Variants in RSPH14 observed in about 807,000 individuals in gnomAD.
RSPH14 encodes radial spoke head 14 homolog.
Under a neutral mutation model 26.7 loss-of-function variants are expected in RSPH14, and 20 were observed. That is an observed-to-expected ratio of 0.75 (90% CI 0.53 to 1.09). The LOEUF (loss-of-function observed/expected upper bound fraction) is 1.09, where lower values mean the gene tolerates loss of function less well. Ranked by LOEUF, RSPH14 falls within the 50% of genes least tolerant of loss-of-function variation. RSPH14 has a pLI of 0.00. For synonymous variants in RSPH14, 177 were observed against 189.3 expected (o/e 0.93, Z 0.53); for missense variants, 449 against 457.2 (o/e 0.98, Z 0.16).
intron 4 of RSPH14, among the ~76,000 whole-genome samples, chr22:23,105,755 G>T (rs559951017): frequency 7.2e-5 from 11 of 152,330 alleles, no homozygotes; most frequent in Middle Eastern, 3.4e-3. Context: ...TCCCTTCAGC[G>T]ACTGACACTG....
the RSPH14 span, among the ~76,000 whole-genome samples, chr22:23,160,620 T>C: frequency 3.9e-5 from 6 of 151,920 alleles, no homozygotes; most frequent in South Asian, 6.2e-4. Flanking sequence ...TTTGAGGGAG[T>C]GGCCCAAGCA....
chr22:23,180,305 C>T, the RSPH14 span: 1 of 177,358 alleles, frequency 5.6e-6, no homozygotes, highest in East Asian at 1.2e-4. Flanking sequence ...CCCTGGGCTG[C>T]GAGTTGCACA....
intron 4 of RSPH14, among the ~76,000 whole-genome samples, chr22:23,074,468 G>C (rs1311620121): frequency 6.6e-6 from 1 of 152,212 alleles, no homozygotes. Flanking sequence ...TTCTGGAGAG[G>C]TGGGGAATTA....
chr22:23,074,149 G>A (rs1167735090), intron 4 of RSPH14, among the ~76,000 whole-genome samples: 1 of 152,178 alleles, frequency 6.6e-6, no homozygotes, highest in Non-Finnish European at 1.5e-5. Flanking sequence ...ACCTTGGCAG[G>A]GTTGGAGCAG....
chr22:23,075,657 G>T (rs1170066733), intron 4 of RSPH14, among the ~76,000 whole-genome samples: 1 of 152,216 alleles, frequency 6.6e-6, no homozygotes, highest in East Asian at 1.9e-4. Context: ...GCAGGGAGGG[G>T]CCTTACACAT....
At chr22:23,162,174 G>A in the RSPH14 span, 7 of 177,546 alleles carry the variant, frequency 3.9e-5, no homozygotes, top group Non-Finnish European at 7.1e-5. Flanking sequence ...CACCTCTGGA[G>A]GACAATGGAC....
chr22:23,145,855 C>A, upstream of RSPH14: 1 of 496,110 alleles, frequency 2.0e-6, no homozygotes, highest in Non-Finnish European at 2.6e-6. Context: ...GTTGAGGAGG[C>A]TCGAGGAGTC....
intron 4 of RSPH14, among the ~76,000 whole-genome samples, chr22:23,065,169 C>G (rs1426181253): frequency 6.6e-6 from 1 of 152,208 alleles, no homozygotes; most frequent in African/African-American, 2.4e-5. Flanking sequence ...GCCTAAAGGT[C>G]TCCAAGTGCC....
upstream of RSPH14, chr22:23,146,508 A>G (rs1242310141): frequency 1.3e-6 from 2 of 1,496,528 alleles, no homozygotes; most frequent in Non-Finnish European, 1.8e-6. Context: ...CACTGCACCC[A>G]GCCTGGATCT....
the RSPH14 span, among the ~76,000 whole-genome samples, chr22:23,173,795 T>G: frequency 6.6e-6 from 1 of 151,824 alleles, no homozygotes; most frequent in Non-Finnish European, 1.5e-5. Context: ...CAAACGTCCA[T>G]CTCCTGGGTT....
At chr22:23,093,698 G>A (rs970423076) in intron 4 of RSPH14, among the ~76,000 whole-genome samples, 1 of 152,186 alleles carries the variant, frequency 6.6e-6, no homozygotes, top group East Asian at 1.9e-4. Context: ...GTCGCCAGAG[G>A]CCACACAACC....
intron 4 of RSPH14, among the ~76,000 whole-genome samples, chr22:23,083,097 C>T (rs1016817049): frequency 6.6e-6 from 1 of 152,192 alleles, no homozygotes; most frequent in Non-Finnish European, 1.5e-5. Flanking sequence ...AGAGGACTCT[C>T]CACACAGACA....
the RSPH14 span, among the ~76,000 whole-genome samples, chr22:23,171,841 TCAAAAAAAAAAAA>T: frequency 1.8e-5 from 1 of 54,950 alleles, no homozygotes; most frequent in Non-Finnish European, 3.2e-5. Context: ...AAACTCTGTC[TCAAAAAAAAAAAA>T]CAAAAAAAAA....
chr22:23,160,797 G>C, the RSPH14 span: 1 of 1,551,496 alleles, frequency 6.4e-7, no homozygotes, highest in African/African-American at 1.4e-5. Flanking sequence ...CTGAGGGTAG[G>C]CTAGCCTGGC....
At chr22:23,076,682 G>A (rs1460006439) in intron 4 of RSPH14, among the ~76,000 whole-genome samples, 4 of 152,340 alleles carry the variant, frequency 2.6e-5, no homozygotes, top group Middle Eastern at 3.4e-3. Context: ...TGTCAGACAC[G>A]GGGATTCACA....
In RSPH14 at chr22:23,140,440, C is replaced by A; in HGVS notation, c.-20G>T. 6.2e-7 allele frequency: 1 copy of A among 1,612,950 alleles called. No individual in the cohort carries two copies. Among genetic ancestry groups the A allele is most frequent in the South Asian group, 1.1e-5 (1 of 90,804 alleles). On this transcript the variant is annotated 5_prime_UTR_variant, in exon 2 of 7. Transcript: ENST00000216036. ...GGCCATCTTTCCCCAACTACAGAGG[C>A]CTTTCCAAATGAAGCTCTGCAGAAA...
chr22:23,136,210 C>A (rs866432533), intron 3 of RSPH14: 24 of 707,802 alleles, frequency 3.4e-5, no homozygotes, highest in Middle Eastern at 3.6e-4. Flanking sequence ...GGGCAGGGAA[C>A]AGGCTGCCAG....
chr22:23,135,689 C>T lies in RSPH14; in HGVS notation c.303-1545G>A, dbSNP rs1006093664. The stretch of plus-strand genomic sequence containing the variant: ...AAACACCAACCAGTGGTCTCATATC[C>T]GACAAAAAGCCTGGGTCCCACATGG... On this transcript the variant is annotated intron_variant, in intron 3 of 6. Transcript: ENST00000216036. Among the ~76,000 whole-genome samples the T allele has an allele frequency of 3.3e-5, 5 of 152,056 alleles. No individual in the cohort carries two copies. The Middle Eastern group carries it at 0.01, about 310-fold the overall frequency.
intron 4 of RSPH14, among the ~76,000 whole-genome samples, chr22:23,130,654 C>G (rs1194299194): frequency 6.6e-6 from 1 of 152,116 alleles, no homozygotes; most frequent in African/African-American, 2.4e-5. Context: ...CGACAAAGGG[C>G]TGGAATCCAG....
Sources: allele counts gnomAD v4.1 joint callset (sites outside exome capture counted in the v4.1 genomes callset), GRCh38; gene constraint gnomAD v4.1.1; transcripts MANE v1.5; gene names NCBI Gene and HGNC (gene_info 2026-07-23, HGNC 2026-07-21).